Variants in UBXN11 observed in about 807,000 individuals in gnomAD.
UBXN11 encodes UBX domain-containing protein 11.
UBXN11 carries 47 observed loss-of-function variants against 62.8 expected under a neutral mutation model. The ratio of observed to expected loss-of-function variants is 0.75; its 90% CI spans 0.59 to 0.95. The LOEUF is 0.95. UBXN11 is among the 40% of genes least tolerant of loss of function. The pLI is 0.00. For missense variants in UBXN11, 638 were observed against 661.7 expected (o/e 0.96, Z 0.39); for synonymous variants, 294 against 267.0 (o/e 1.10, Z -0.99).
At chr1:26,315,528 G>C (rs1228541854) in intron 1 of UBXN11, among the ~76,000 whole-genome samples, 1 of 152,212 alleles carries the variant, frequency 6.6e-6, no homozygotes. Context: ...AGAGACCTCT[G>C]GGTGAAAGGG....
chr1:26,282,566 G>A lies in UBXN11; in HGVS notation c.1296C>T (p.Val432=). 1 of 1,601,360 alleles carries A rather than the reference G, an allele frequency of 6.2e-7. No homozygotes were observed. The highest frequency in any genetic ancestry group is 1.3e-5 in the African/African-American group (1 of 74,748). Residue 432 remains valine (V), a synonymous_variant, in exon 15 of 15, where the codon GTC becomes GTT. Coordinates refer to ENST00000374222, the MANE Select transcript of UBXN11 (RefSeq NM_001389556.1). ...AGATCTCAAAGGCAGAGGCATCCAT[G>A]ACCCTGGGGACCAGGCAGAGCAGAT... ...DVRALLAQAR[V]MDASAFEIFS...
chr1:26,285,018 T>C (rs1414381583), intron 10 of UBXN11: 3 of 1,003,942 alleles, frequency 3.0e-6, no homozygotes, highest in Non-Finnish European at 3.6e-6. Context: ...TCATGGGCTC[T>C]GGTGGTGGCA....
In UBXN11 at chr1:26,286,030, T is replaced by C. The variant is rs1258481230; in HGVS notation, c.567A>G (p.Ser189=). The C allele has an allele frequency of 3.1e-6, 5 of 1,602,522 alleles. No individual in the cohort carries two copies. Among genetic ancestry groups the C allele is most frequent in the African/African-American group, 2.7e-5 (2 of 74,842 alleles). ...CAAAGTCCACCTCAGGGGGCGCCAA[T>C]GAGTCCCCTGGCAAAGAGGACAGAC... ...TAKKFWKPGD[S]LAPPEVDFDR... Residue 189 remains serine, a synonymous_variant, in exon 9 of 15, where the codon TCA becomes TCG. Transcript: ENST00000374222.
intron 1 of UBXN11, among the ~76,000 whole-genome samples, chr1:26,304,275 C>T (rs923948096): frequency 2.6e-5 from 4 of 152,192 alleles, no homozygotes; most frequent in Non-Finnish European, 2.9e-5. Flanking sequence ...CCCCAGCATC[C>T]AGCCTCCCAA....
chr1:26,298,048 C>A lies in UBXN11; in HGVS notation c.214G>T (p.Asp72Tyr). Residue 72 changes from aspartate to tyrosine, a missense_variant, in exon 5 of 15, where the codon GAC becomes TAC. Asp to Tyr is a radical substitution (Grantham distance 160). Transcript: ENST00000374222. ...PVSRQVPASH[D>Y]SELMAFMTRK... ...GTCATGAAGGCCATCAGCTCCGAGT[C>A]ATGGGATGCAGGGACTGCCAAGCAC... 6.2e-7 allele frequency: 1 copy of A among 1,613,488 alleles called. No individual in the cohort carries two copies. The highest frequency in any genetic ancestry group is 1.1e-5 in the South Asian group (1 of 90,996).
Position 26,285,508 on chromosome 1 carries a change from G to A in UBXN11, c.808C>T (p.Pro270Ser), listed in dbSNP as rs1570084184. The change falls in exon 10 of 15, where the codon CCC becomes TCC. Residue 270 changes from proline (P) to serine (S), a missense_variant. By Grantham distance (74) the Pro-to-Ser change is moderately conservative (BLOSUM62 -1). Coordinates refer to ENST00000374222, the MANE Select transcript of UBXN11 (RefSeq NM_001389556.1). The stretch of plus-strand genomic sequence containing the variant: ...GGGTACAGTCGCTGGAGCTCTGAGG[G>A]AAAGAAGCCATCCAATATGTCTCGG... Reference protein sequence around the residue: ...CLRDILDGFFPSELQRLYPNG... With the variant: ...CLRDILDGFFSSELQRLYPNG... 2 of 1,599,376 alleles carry A rather than the reference G, an allele frequency of 1.3e-6. No individual in the cohort carries two copies. Among genetic ancestry groups the A allele is most frequent in the East Asian group, 2.2e-5 (1 of 44,446 alleles).
upstream of UBXN11, among the ~76,000 whole-genome samples, chr1:26,310,296 G>T (rs1053286437): frequency 2.0e-5 from 3 of 152,150 alleles, no homozygotes; most frequent in African/African-American, 7.2e-5. Flanking sequence ...CCAGCACTTT[G>T]GGAGGCTGAG....
chr1:26,315,806 T>C (rs1215543476), intron 1 of UBXN11, among the ~76,000 whole-genome samples: 1 of 152,156 alleles, frequency 6.6e-6, no homozygotes, highest in Non-Finnish European at 1.5e-5. Context: ...ATTACAGGCA[T>C]GTGCCAGCAC....
At chr1:26,302,191 G>A (rs1346009305) in intron 2 of UBXN11, among the ~76,000 whole-genome samples, 1 of 151,820 alleles carries the variant, frequency 6.6e-6, no homozygotes, top group Non-Finnish European at 1.5e-5. Context: ...AGTGAAACCC[G>A]TCTCTACTAA....
chr1:26,302,794 CCT>C lies in UBXN11; in HGVS notation c.71+17_71+18del. The C allele has an allele frequency of 1.6e-5, 25 of 1,610,558 alleles. No homozygotes were observed. The highest frequency in any genetic ancestry group is 2.1e-5 in the Non-Finnish European group (25 of 1,177,774). ...ATACAGAGGCGGGGACAGAAAGACC[CCT>C]GAGGCTGGCTCCTTACCCAGGATTC... On this transcript the variant is annotated intron_variant, in intron 2 of 14. Transcript: ENST00000374222.
intron 1 of UBXN11, among the ~76,000 whole-genome samples, chr1:26,314,152 A>G (rs2073769289): frequency 5.9e-5 from 9 of 152,194 alleles, no homozygotes. Flanking sequence ...AATGTCTTTA[A>G]GTAAGCATAG....
rs377337642 is a variant in UBXN11, at chr1:26,282,431, G to A, written c.1431C>T (p.Ser477=). 47 of 1,612,380 alleles carry A rather than the reference G, an allele frequency of 2.9e-5. No individual in the cohort carries two copies. The African/African-American group carries it at 5.3e-4, about 18-fold the overall frequency. Residue 477 remains serine (S), a synonymous_variant, in exon 15 of 15, where the codon TCC becomes TCT. Transcript: ENST00000374222. ...AGGGACCAGGACTGAATTTCAGGCT[G>A]GACTTCGGGGCTCGGCGTGCCCGCA... ...LLLRARRAPK[S]SLKFSPGPCP...
rs2073341826 is a variant in UBXN11 at position 26,294,215 on chromosome 1, G to A, written c.549C>T (p.Phe183=). 6.2e-7 allele frequency: 1 copy of A among 1,614,078 alleles called. No homozygotes were observed. Among genetic ancestry groups the A allele is most frequent in the African/African-American group, 1.3e-5 (1 of 75,066 alleles). The change falls in exon 8 of 15, where the codon TTC becomes TTT. Residue 183 remains phenylalanine (F), a synonymous_variant. Transcript: ENST00000374222. ...GACGCCCTGCTCTACCTGGCTTCCA[G>A]AACTTCTTGGCTGTCATCCAGTCCC... ...GERDWMTAKK[F]WKPGDSLAPP... is the part of the protein sequence containing the mutation.
intron 2 of UBXN11, among the ~76,000 whole-genome samples, chr1:26,302,362 T>TAAAAAAAA (rs56003085): frequency 7.2e-5 from 5 of 69,562 alleles, no homozygotes; most frequent in Admixed American, 2.2e-4. Flanking sequence ...ACTTGGTCTT[T>TAAAAAAAA]AAAAAAAAAA....
intron 11 of UBXN11, 56 bp downstream of exon 11, chr1:26,284,306 T>C (rs994349043): frequency 1.2e-6 from 2 of 1,612,484 alleles, no homozygotes; most frequent in Admixed American, 3.3e-5. Flanking sequence ...GGAGCCCCCC[T>C]GGAGTTTGTT....
At chr1:26,306,835 G>GGGGT (rs2073681883), upstream of UBXN11, 1 of 84,518 alleles carries the variant, frequency 1.2e-5, no homozygotes. Context: ...GGGGTGGGGG[G>GGGGT]GGGGGGTGGT....
chr1:26,282,725 C>T lies in UBXN11; in HGVS notation c.1216G>A (p.Gly406Arg). The change falls in exon 14 of 15, where the codon GGG becomes AGG. Residue 406 changes from glycine (G) to arginine (R), a missense_variant. Gly to Arg is a moderately radical substitution (Grantham distance 125, BLOSUM62 -2). Coordinates refer to ENST00000374222, the MANE Select transcript of UBXN11 (RefSeq NM_001389556.1). ...LSMLRIKSEN[G>R]EQAFLLMMQP... ...ATCATCAGTAGGAAGGCCTGTTCCC[C>T]ATTCTCAGACTTGATGCGCAGCATG... 6.2e-7 allele frequency: 1 copy of T among 1,614,204 alleles called. No homozygotes were observed. Among genetic ancestry groups the T allele is most frequent in the Non-Finnish European group, 8.5e-7 (1 of 1,180,038 alleles).
At chr1:26,285,673 G>A in intron 9 of UBXN11, 132 bp from the exon 10 acceptor site, 1 of 1,363,320 alleles carries the variant, frequency 7.3e-7, no homozygotes, top group Admixed American at 2.7e-5. Flanking sequence ...AGAGTCCCAG[G>A]CCTTGGGAGA....
chr1:26,309,857 A>G (rs1000495557), upstream of UBXN11, among the ~76,000 whole-genome samples: 1 of 152,220 alleles, frequency 6.6e-6, no homozygotes, highest in Non-Finnish European at 1.5e-5. Flanking sequence ...CCCCAGCATG[A>G]GTGGGGACAA....
Sources: allele counts gnomAD v4.1 joint callset (sites outside exome capture counted in the v4.1 genomes callset), GRCh38; gene constraint gnomAD v4.1.1; transcripts MANE v1.5; gene names NCBI Gene and HGNC (gene_info 2026-07-23, HGNC 2026-07-21).